The following AKAP10 variants were observed in gnomAD, a reference collection of about 807,000 sequenced individuals.
AKAP10 encodes A-kinase anchor protein 10, mitochondrial.
In AKAP10, 24 loss-of-function variants were observed where a neutral mutation model predicts 80.8. The ratio of observed to expected loss-of-function variants is 0.30; its 90% confidence interval spans 0.22 to 0.42. The LOEUF is 0.42. Ranked by LOEUF, AKAP10 falls within the 10% of genes least tolerant of loss-of-function variation. The pLI is 1.00. For synonymous variants in AKAP10, 291 were observed against 277.7 expected (o/e 1.05, Z -0.48); for missense variants, 661 against 794.9 (o/e 0.83, Z 2.03).
chr17:19,938,409 G>A (rs1054915712), intron 8 of AKAP10, among the ~76,000 whole-genome samples: 20 of 150,950 alleles, frequency 1.3e-4, no homozygotes, highest in African/African-American at 4.9e-4. Flanking sequence ...GCTAATTCTT[G>A]TATTTTTAGT....
chr17:19,905,132 T>C lies in AKAP10; in HGVS notation c.*1095A>G, dbSNP rs6813. ...GGAAGCGCTGGCGCCACGTGGTCAA[T>C]GGAGTGTGCTCACCAACTGGGCAGT... On this transcript the variant is annotated 3_prime_UTR_variant, in exon 15 of 15. Transcript: ENST00000225737. The C allele has an allele frequency of 0.28, 42,475 of 151,622 alleles. 6,425 individuals are homozygous for C. The highest frequency in any genetic ancestry group is 0.38 in the African/African-American group (15,634 of 41,276). 9.4% of individuals were successfully genotyped at this position (151,622 alleles called of 1,614,324 possible).
At chr17:19,962,769 T>G in intron 3 of AKAP10, 71 bp downstream of exon 3, 2 of 1,476,072 alleles carry the variant, frequency 1.4e-6, no homozygotes, top group African/African-American at 2.8e-5. Context: ...TTCTGTATCC[T>G]ATGACAGAAG....
At chr17:19,951,657 G>A (rs528658155) in intron 4 of AKAP10, among the ~76,000 whole-genome samples, 1 of 152,124 alleles carries the variant, frequency 6.6e-6, no homozygotes, top group South Asian at 2.1e-4. Context: ...GATTAAGGGT[G>A]GTGCAAGATG....
intron 8 of AKAP10, among the ~76,000 whole-genome samples, chr17:19,939,246 A>G (rs568866427): frequency 6.6e-6 from 1 of 152,180 alleles, no homozygotes; most frequent in Non-Finnish European, 1.5e-5. Flanking sequence ...ATACCCATAA[A>G]TAGGCATTCA....
intron 5 of AKAP10, among the ~76,000 whole-genome samples, chr17:19,944,389 T>A (rs2043081243): frequency 6.6e-6 from 1 of 152,148 alleles, no homozygotes; most frequent in Admixed American, 6.5e-5. Context: ...CTTATATATA[T>A]GCCTGTAACC....
intron 9 of AKAP10, among the ~76,000 whole-genome samples, chr17:19,933,088 G>A (rs1248492187): frequency 4.6e-5 from 7 of 151,982 alleles, no homozygotes; most frequent in African/African-American, 1.2e-4. Flanking sequence ...GCATGATCTC[G>A]ACTCACTGGA....
intron 9 of AKAP10, among the ~76,000 whole-genome samples, chr17:19,933,840 C>T (rs1203620935): frequency 6.6e-6 from 1 of 152,172 alleles, no homozygotes; most frequent in Non-Finnish European, 1.5e-5. Context: ...CTCACTGGCT[C>T]TGAAATTCCT....
intron 5 of AKAP10, 116 bp from the exon 6 acceptor site, chr17:19,942,026 G>A: frequency 3.0e-6 from 2 of 664,070 alleles, no homozygotes; most frequent in Non-Finnish European, 4.4e-6. Context: ...GTTTTAAATA[G>A]AACTAAAAGA....
At position 19,909,939 on chromosome 17, in the gene AKAP10, C is replaced by T; in HGVS notation, c.1874G>A (p.Gly625Glu). The change falls in exon 13 of 15, where the codon GGA (glycine) becomes GAA (glutamate). Residue 625 changes from glycine (G) to glutamate (E), a missense_variant. Transcript: ENST00000225737. The part of the protein sequence containing the change: ...FSQAMKKWVQ[G>E]NTDEAQEELA... ...GGTAGGATTTACCTCATCAGTATTT[C>T]CTTGCACCCATTTCTTCATAGCTTG... 6.2e-7 allele frequency: 1 copy of T among 1,613,828 alleles called. No homozygotes were observed. The highest frequency in any genetic ancestry group is 8.5e-7 in the Non-Finnish European group (1 of 1,179,876).
intron 5 of AKAP10, among the ~76,000 whole-genome samples, chr17:19,946,250 T>TATATATA (rs2043118045): frequency 5.0e-5 from 1 of 20,088 alleles, no homozygotes; most frequent in Non-Finnish European, 8.8e-5. Flanking sequence ...TATATATATA[T>TATATATA]ATATATATAT....
At chr17:19,950,709 G>A (rs2043191985) in intron 4 of AKAP10, among the ~76,000 whole-genome samples, 1 of 152,206 alleles carries the variant, frequency 6.6e-6, no homozygotes, top group Admixed American at 6.5e-5. Context: ...TGCCGAGATT[G>A]CAGCCTCTGC....
chr17:19,921,799 T>C (rs1597493487), intron 11 of AKAP10, among the ~76,000 whole-genome samples: 1 of 152,168 alleles, frequency 6.6e-6, no homozygotes, highest in Non-Finnish European at 1.5e-5. Context: ...TAAATACTCA[T>C]TGATACCAAA....
chr17:19,952,502 A>C (rs931634652), intron 4 of AKAP10, among the ~76,000 whole-genome samples: 2 of 149,800 alleles, frequency 1.3e-5, no homozygotes, highest in African/African-American at 2.5e-5. Flanking sequence ...AAATAAATAA[A>C]TAACACTACC....
At position 19,977,693 on chromosome 17, in the gene AKAP10, C is replaced by G; in HGVS notation, c.-14G>C. On this transcript the variant is annotated 5_prime_UTR_variant, in exon 1 of 15. Transcript: ENST00000225737. ...GGCTCCCCTCATTCAGCAACCGGCC[C>G]GGACTTCCGGGTCCAGAGGGGCCGC... 4 of 1,233,594 alleles carry G rather than the reference C, an allele frequency of 3.2e-6. No individual in the cohort carries two copies. The highest frequency in any genetic ancestry group is 4.1e-6 in the Non-Finnish European group (4 of 985,930). 76.4% of individuals were successfully genotyped at this position (1,233,594 alleles called of 1,614,324 possible).
At chr17:19,974,015 C>A (rs1341219069) in intron 1 of AKAP10, among the ~76,000 whole-genome samples, 1 of 152,060 alleles carries the variant, frequency 6.6e-6, no homozygotes, top group Non-Finnish European at 1.5e-5. Context: ...CCAGCCTGAC[C>A]AACATGGTGA....
chr17:19,917,272 A>C (rs895590031), intron 12 of AKAP10, among the ~76,000 whole-genome samples: 3 of 152,044 alleles, frequency 2.0e-5, no homozygotes, highest in Admixed American at 6.5e-5. Context: ...CTCAGGAAAA[A>C]AAAACAAAAC....
chr17:19,954,546 G>A (rs561948293), intron 4 of AKAP10, among the ~76,000 whole-genome samples: 229 of 149,782 alleles, frequency 1.5e-3, no homozygotes, highest in African/African-American at 5.4e-3. Flanking sequence ...GTGCAGTGGC[G>A]CGATCTCGGC....
chr17:19,969,726 C>G (rs148123130), intron 1 of AKAP10, among the ~76,000 whole-genome samples: 1 of 152,044 alleles, frequency 6.6e-6, no homozygotes, highest in Non-Finnish European at 1.5e-5. Flanking sequence ...TTGGTATGTG[C>G]CAGACATGCT....
In AKAP10 at chr17:19,906,237, AAAAAG is replaced by A. The variant is rs747572284; in HGVS notation, c.1984-10_1984-6del. On this transcript the variant is annotated splice_polypyrimidine_tract_variant and splice_region_variant and intron_variant, in intron 14 of 14. Coordinates refer to ENST00000225737, the MANE Select transcript of AKAP10 (RefSeq NM_007202.4). ...ATCTCAAGTTTTGAGTCATAACTGA[AAAAAG>A]AAAAGAAAAGAAAATGGTAAGGTGC... 262 of 1,606,112 alleles carry A rather than the reference AAAAAG, an allele frequency of 1.6e-4. No individual in the cohort carries two copies. The highest frequency in any genetic ancestry group is 2.0e-4 in the Non-Finnish European group (231 of 1,177,960).
Sources: gnomAD v4.1 joint callset for allele counts (sites outside exome capture counted in the v4.1 genomes callset) on GRCh38, gnomAD v4.1.1 for gene constraint, MANE v1.5 for transcripts, NCBI Gene and HGNC (gene_info 2026-07-23, HGNC 2026-07-21) for gene names.